Variants in SNX24 observed in about 807,000 individuals in gnomAD.
The protein encoded by SNX24 is sorting nexin 24.
Under a neutral mutation model 28.7 loss-of-function variants are expected in SNX24, and 22 were observed. The observed-to-expected ratio is 0.77, with a 90% CI of 0.55 to 1.10. The LOEUF (loss-of-function observed/expected upper bound fraction) is 1.10. SNX24 is among the 50% of genes least tolerant of loss of function. The pLI is 0.00. For missense variants in SNX24, 221 were observed against 201.1 expected, an observed-to-expected ratio of 1.10 and a Z score of -0.60; for synonymous variants, 69 against 71.5, an observed-to-expected ratio of 0.96 and a Z score of 0.18.
intron 6 of SNX24, among the ~76,000 whole-genome samples, chr5:123,007,231 A>G (rs1406098826): frequency 6.6e-6 from 1 of 152,234 alleles, no homozygotes; most frequent in Non-Finnish European, 1.5e-5. Flanking sequence ...TAATGGAACA[A>G]GTAGACTCAG....
chr5:122,860,124 C>A (rs1755389513), intron 1 of SNX24, among the ~76,000 whole-genome samples: 1 of 152,162 alleles, frequency 6.6e-6, no homozygotes, highest in Non-Finnish European at 1.5e-5. Flanking sequence ...GCAAAGTTTT[C>A]CCCACAAAGA....
chr5:122,851,567 A>C (rs1221496817), intron 1 of SNX24, among the ~76,000 whole-genome samples: 3 of 152,196 alleles, frequency 2.0e-5, no homozygotes, highest in Non-Finnish European at 4.4e-5. Flanking sequence ...GTAGACATAT[A>C]TATCTTCTTG....
At chr5:123,003,262 A>C (rs1762309940) in intron 6 of SNX24, among the ~76,000 whole-genome samples, 2 of 152,204 alleles carry the variant, frequency 1.3e-5, no homozygotes, top group Non-Finnish European at 2.9e-5. Flanking sequence ...CACCCCGATC[A>C]GAGTGAGCTG....
At chr5:122,965,084 C>G (rs1335231972) in intron 3 of SNX24, among the ~76,000 whole-genome samples, 1 of 152,198 alleles carries the variant, frequency 6.6e-6, no homozygotes, top group East Asian at 1.9e-4. Flanking sequence ...AGAGTGAGCA[C>G]AGGACCCTTA....
rs577311045 is a variant in SNX24, at chr5:122,940,129, G to A, written c.144+3312G>A. Among the ~76,000 whole-genome samples the A allele has an allele frequency of 2.0e-5, 3 of 152,106 alleles. No homozygotes were observed. In the South Asian group the frequency reaches 6.2e-4, roughly 32 times the overall value. The stretch of plus-strand genomic sequence containing the variant: ...CTGCCTCAGCCTCCCGAGTAGCTGG[G>A]ATTACAGGCACCTGCCACCATGCCT... On this transcript the variant is annotated intron_variant, in intron 2 of 6. Coordinates refer to ENST00000261369, the MANE Select transcript of SNX24 (RefSeq NM_014035.4).
chr5:122,934,239 A>C (rs950783359), intron 1 of SNX24, among the ~76,000 whole-genome samples: 13 of 152,192 alleles, frequency 8.5e-5, no homozygotes, highest in African/African-American at 3.1e-4. Flanking sequence ...CACTACTAGG[A>C]GTTTACCAGC....
chr5:122,999,915 G>A lies in SNX24; in HGVS notation c.253G>A (p.Val85Ile). Residue 85 changes from valine to isoleucine, a missense_variant, in exon 4 of 7, where the codon GTC becomes ATC. Physicochemically the swap from Val to Ile is conservative, Grantham distance 29. Transcript: ENST00000261369. ...ATTCTGTTTTCTGCTTTCACAGGCT[G>A]TCATTTTAGAAAATGAAGAACTTCC... ...RQGLETYLQA[V>I]ILENEELPKL... 6.3e-7 allele frequency: 1 copy of A among 1,598,394 alleles called. No homozygotes were observed. The highest frequency in any genetic ancestry group is 8.6e-7 in the Non-Finnish European group (1 of 1,165,702).
chr5:122,890,519 G>T (rs1213016939), intron 1 of SNX24, among the ~76,000 whole-genome samples: 1 of 146,114 alleles, frequency 6.8e-6, no homozygotes, highest in Admixed American at 7.0e-5. Flanking sequence ...GCCCAGGCTG[G>T]AATGCAGTGG....
intron 6 of SNX24, among the ~76,000 whole-genome samples, chr5:123,006,915 A>G (rs1762441632): frequency 6.6e-6 from 1 of 152,230 alleles, no homozygotes; most frequent in African/African-American, 2.4e-5. Context: ...TTCTTACATA[A>G]TAATGATATT....
At chr5:122,967,888 G>C (rs1276499660) in intron 3 of SNX24, among the ~76,000 whole-genome samples, 1 of 152,220 alleles carries the variant, frequency 6.6e-6, no homozygotes, top group Non-Finnish European at 1.5e-5. Flanking sequence ...GCTTCTGCAA[G>C]TCCTCCTGAA....
intron 1 of SNX24, among the ~76,000 whole-genome samples, chr5:122,864,077 A>G (rs911744832): frequency 6.6e-6 from 1 of 152,188 alleles, no homozygotes; most frequent in Non-Finnish European, 1.5e-5. Context: ...GAACTTACCT[A>G]TTGGTTACAT....
intron 3 of SNX24, among the ~76,000 whole-genome samples, chr5:122,959,715 G>A (rs1760391077): frequency 6.6e-6 from 1 of 151,710 alleles, no homozygotes; most frequent in Non-Finnish European, 1.5e-5. Context: ...ATTAATTTAG[G>A]TTACACACCT....
intron 3 of SNX24, among the ~76,000 whole-genome samples, chr5:122,954,836 A>G (rs1371330875): frequency 2.6e-5 from 4 of 152,012 alleles, no homozygotes; most frequent in African/African-American, 9.7e-5. Flanking sequence ...TTTAATTTTG[A>G]TGTGTCTTGG....
chr5:123,023,453 T>C (rs1762793121), intron 5 of SNX24: 1 of 153,208 alleles, frequency 6.5e-6, no homozygotes, highest in Non-Finnish European at 1.5e-5. Context: ...CTATGACATA[T>C]CTCAGATTAC....
rs78133843 is a variant in SNX24 at position 122,890,374 on chromosome 5, G to A, written c.60+44681G>A. ...TGTCCTGGTTCAGCAGACATTAATT[G>A]TTTTTTGCCTAAGTTTTTACTCTCT... On this transcript the variant is annotated intron_variant, in intron 1 of 6. Coordinates refer to ENST00000261369, the MANE Select transcript of SNX24 (RefSeq NM_014035.4). Among the ~76,000 whole-genome samples, 8 of 151,120 alleles carry A rather than the reference G, an allele frequency of 5.3e-5. No homozygotes were observed. The East Asian group carries it at 1.6e-3, about 29-fold the overall frequency.
chr5:122,915,942 A>G (rs555064871), intron 1 of SNX24, among the ~76,000 whole-genome samples: 1 of 152,214 alleles, frequency 6.6e-6, no homozygotes, highest in Non-Finnish European at 1.5e-5. Flanking sequence ...GCCTCCTCAG[A>G]GATTTAGCCC....
At chr5:122,869,247 A>G (rs1386310286) in intron 1 of SNX24, among the ~76,000 whole-genome samples, 1 of 152,196 alleles carries the variant, frequency 6.6e-6, no homozygotes, top group Non-Finnish European at 1.5e-5. Flanking sequence ...GTGGTAAATG[A>G]CCTTTAAATG....
chr5:122,855,044 G>A (rs1428654579), intron 1 of SNX24, among the ~76,000 whole-genome samples: 3 of 152,044 alleles, frequency 2.0e-5, no homozygotes, highest in Non-Finnish European at 2.9e-5. Flanking sequence ...GGTTGCAAAA[G>A]GTTGGTGGCT....
chr5:122,862,200 T>G (rs1451440792), intron 1 of SNX24, among the ~76,000 whole-genome samples: 1 of 152,094 alleles, frequency 6.6e-6, no homozygotes, highest in Non-Finnish European at 1.5e-5. Flanking sequence ...GTTGAGTGGT[T>G]ACAGTGGGAC....
Sources: allele counts gnomAD v4.1 joint callset (sites outside exome capture counted in the v4.1 genomes callset), GRCh38; gene constraint gnomAD v4.1.1; transcripts MANE v1.5; gene names NCBI Gene and HGNC (gene_info 2026-07-23, HGNC 2026-07-21).